The following SNX29 variants were observed in gnomAD, a reference collection of about 807,000 sequenced individuals.
SNX29 encodes sorting nexin-29.
Under a neutral mutation model 102.1 loss-of-function variants are expected in SNX29, and 78 were observed. The ratio of observed to expected loss-of-function variants is 0.76; its 90% CI spans 0.64 to 0.92. The LOEUF (loss-of-function observed/expected upper bound fraction) is 0.92, where lower values mean the gene tolerates loss of function less well. Ranked by LOEUF, SNX29 falls within the 40% of genes least tolerant of loss-of-function variation. The probability of loss-of-function intolerance (pLI) is 0.00; values close to 1 mark genes in which losing one functional copy is unlikely to be tolerated. For missense variants in SNX29, 1,280 were observed against 1,061.7 expected (o/e 1.21, Z -2.86); for synonymous variants, 580 against 414.5 (o/e 1.40, Z -4.85).
chr16:12,158,128 G>C (rs1325858057), intron 13 of SNX29, among the ~76,000 whole-genome samples: 1 of 151,826 alleles, frequency 6.6e-6, no homozygotes, highest in African/African-American at 2.4e-5. Context: ...GCCCAGGCTT[G>C]ATTGCAGTGG....
chr16:12,242,804 C>T (rs543762107), intron 14 of SNX29, among the ~76,000 whole-genome samples: 13 of 152,144 alleles, frequency 8.5e-5, no homozygotes, highest in African/African-American at 2.4e-4. Flanking sequence ...CTGCAGGTGC[C>T]CACCACCACG....
At chr16:12,536,003 C>T (rs1390438024) in intron 20 of SNX29, among the ~76,000 whole-genome samples, 1 of 152,184 alleles carries the variant, frequency 6.6e-6, no homozygotes, top group Non-Finnish European at 1.5e-5. Flanking sequence ...ACCTGTTCGA[C>T]ACGCACTCGG....
At chr16:12,153,732 C>T (rs1223145808) in intron 13 of SNX29, among the ~76,000 whole-genome samples, 3 of 151,962 alleles carry the variant, frequency 2.0e-5, no homozygotes, top group East Asian at 3.9e-4. Flanking sequence ...TCCATCTCAG[C>T]CTCCCAAAGT....
chr16:12,344,049 G>GT (rs1399473713), intron 15 of SNX29, among the ~76,000 whole-genome samples: 1 of 152,096 alleles, frequency 6.6e-6, no homozygotes, highest in East Asian at 1.9e-4. Flanking sequence ...AGATCTGATG[G>GT]TTTTATGAGA....
chr16:12,368,859 A>G (rs1052797891), intron 16 of SNX29, among the ~76,000 whole-genome samples: 2 of 152,196 alleles, frequency 1.3e-5, no homozygotes, highest in African/African-American at 4.8e-5. Context: ...TTCTCATTTT[A>G]GTTACCACCC....
At chr16:12,345,072 G>A (rs1421450205) in intron 15 of SNX29, among the ~76,000 whole-genome samples, 1 of 152,218 alleles carries the variant, frequency 6.6e-6, no homozygotes, top group Non-Finnish European at 1.5e-5. Context: ...CATAATCCAT[G>A]CAGCAGAAAT....
At chr16:12,064,128 G>A (rs138333611) in intron 9 of SNX29, among the ~76,000 whole-genome samples, 5 of 152,148 alleles carry the variant, frequency 3.3e-5, no homozygotes, top group African/African-American at 7.2e-5. Flanking sequence ...TTGTGGAACC[G>A]TGAGGTGCTT....
chr16:12,448,119 C>G (rs2086145184), intron 18 of SNX29, among the ~76,000 whole-genome samples: 1 of 152,186 alleles, frequency 6.6e-6, no homozygotes, highest in African/African-American at 2.4e-5. Flanking sequence ...ATTATCTCCC[C>G]ATTTATGGAT....
intron 10 of SNX29, among the ~76,000 whole-genome samples, chr16:12,075,834 T>A (rs1001877229): frequency 7.9e-5 from 12 of 152,236 alleles, no homozygotes; most frequent in African/African-American, 2.9e-4. Context: ...TCGAGCTTCC[T>A]GGCTGCTTTG....
chr16:12,477,081 C>T (rs958450198), intron 18 of SNX29, among the ~76,000 whole-genome samples: 11 of 152,216 alleles, frequency 7.2e-5, no homozygotes, highest in Non-Finnish European at 1.2e-4. Context: ...GCTGATGAAA[C>T]AGCCCTTACA....
At chr16:12,093,210 C>G (rs1405833058) in intron 11 of SNX29, among the ~76,000 whole-genome samples, 16 of 152,200 alleles carry the variant, frequency 1.1e-4, no homozygotes, top group Non-Finnish European at 2.2e-4. Flanking sequence ...GCACTTTACA[C>G]ATCCTTTAGT....
intron 11 of SNX29, among the ~76,000 whole-genome samples, chr16:12,110,335 G>C (rs963311539): frequency 1.3e-5 from 2 of 152,214 alleles, no homozygotes; most frequent in East Asian, 3.9e-4. Context: ...CCAGCATGTC[G>C]TTCCCCACTT....
intron 16 of SNX29, among the ~76,000 whole-genome samples, chr16:12,395,908 C>T (rs866673193): frequency 1.3e-5 from 2 of 152,206 alleles, no homozygotes; most frequent in South Asian, 4.1e-4. Context: ...TGAGTAAGCT[C>T]GGCCTTTAAT....
chr16:12,538,137 A>G (rs578009594), intron 20 of SNX29, among the ~76,000 whole-genome samples: 4 of 152,098 alleles, frequency 2.6e-5, no homozygotes, highest in African/African-American at 9.6e-5. Context: ...TATTTTTGAG[A>G]CGGAGTCTCA....
chr16:12,144,987 C>G (rs969883085), intron 13 of SNX29, among the ~76,000 whole-genome samples: 1 of 152,232 alleles, frequency 6.6e-6, no homozygotes, highest in Non-Finnish European at 1.5e-5. Flanking sequence ...TCCCAAAGTG[C>G]TGGGATTACA....
At chr16:12,191,080 G>A (rs1282342159) in intron 13 of SNX29, among the ~76,000 whole-genome samples, 1 of 152,064 alleles carries the variant, frequency 6.6e-6, no homozygotes, top group Non-Finnish European at 1.5e-5. Flanking sequence ...AATGGTTTTG[G>A]GATAAAACCG....
At chr16:12,561,140 G>A (rs1462886673) in intron 20 of SNX29, 1 of 229,030 alleles carries the variant, frequency 4.4e-6, no homozygotes, top group East Asian at 6.2e-5. Context: ...TGAGGCCCAG[G>A]TGTTGCCTAG....
At chr16:12,461,383 G>C (rs1033458011) in intron 18 of SNX29, among the ~76,000 whole-genome samples, 1 of 152,178 alleles carries the variant, frequency 6.6e-6, no homozygotes, top group South Asian at 2.1e-4. Context: ...ACTGTGACGA[G>C]GGGTAGAGGC....
chr16:12,139,560 T>A (rs984689847), intron 13 of SNX29, among the ~76,000 whole-genome samples: 2 of 152,222 alleles, frequency 1.3e-5, no homozygotes, highest in Non-Finnish European at 2.9e-5. Flanking sequence ...CCTGTTGGCA[T>A]CTTCTCTTGG....
Sources: gnomAD v4.1 joint callset for allele counts (sites outside exome capture counted in the v4.1 genomes callset) on GRCh38, gnomAD v4.1.1 for gene constraint, MANE v1.5 for transcripts, NCBI Gene and HGNC (gene_info 2026-07-23, HGNC 2026-07-21) for gene names.